The following LRP1B variants were observed in gnomAD, a reference collection of about 807,000 sequenced individuals.
LRP1B encodes the protein LDL receptor related protein 1B.
In LRP1B, 217 loss-of-function variants were observed where a neutral mutation model predicts 556.6. The ratio of observed to expected loss-of-function variants is 0.39; its 90% CI spans 0.35 to 0.44. LRP1B has a LOEUF of 0.44. Ranked by LOEUF, LRP1B falls within the 20% of genes least tolerant of loss-of-function variation. LRP1B has a pLI of 1.00. For synonymous variants in LRP1B, 2,047 were observed against 1,865.8 expected (o/e 1.10, Z -2.50); for missense variants, 5,053 against 5,620.8 (o/e 0.90, Z 3.23).
chr2:140,322,118 T>A (rs2105053900), intron 81 of LRP1B, 30 bp from the exon 82 acceptor site: 1 of 1,599,996 alleles, frequency 6.3e-7, no homozygotes, highest in Non-Finnish European at 8.5e-7. Flanking sequence ...CAAAGAAGTG[T>A]GTAAATATAG....
chr2:141,929,236 A>G (rs1700419652), intron 1 of LRP1B, among the ~76,000 whole-genome samples: 1 of 152,136 alleles, frequency 6.6e-6, no homozygotes. Flanking sequence ...GCCAAAAGCT[A>G]TACAAACCTC....
chr2:141,249,858 T>C (rs1057267736), intron 4 of LRP1B, among the ~76,000 whole-genome samples: 6 of 151,772 alleles, frequency 4.0e-5, no homozygotes, highest in African/African-American at 1.2e-4. Context: ...TAGTCACAAA[T>C]GGAAGACTGA....
chr2:140,716,190 C>T (rs1467649694), intron 36 of LRP1B, 88 bp from the exon 37 acceptor site: 1 of 942,584 alleles, frequency 1.1e-6, no homozygotes, highest in African/African-American at 1.6e-5. Flanking sequence ...TGAGCATTCA[C>T]ATAACTATCA....
At position 141,517,029 on chromosome 2, in the gene LRP1B, A is replaced by AAAC. The variant is rs1553526098; in HGVS notation, c.206-36497_206-36496insGTT. ...TAAAAAAAAAAAAAAAAAAAAAAAAAAAAGTAAATCAATGAAATAATTTAA... is the reference window on the plus strand; with the variant it reads ...TAAAAAAAAAAAAAAAAAAAAAAAAAAACAAAGTAAATCAATGAAATAATTTAA... On this transcript the variant is annotated intron_variant, in intron 2 of 90. Coordinates refer to ENST00000389484, the MANE Select transcript of LRP1B (RefSeq NM_018557.3). 6.8e-3 allele frequency among the ~76,000 whole-genome samples: 614 copies of AAAC among 90,150 alleles called. 99 individuals carry two copies. Among genetic ancestry groups the AAAC allele is most frequent in the South Asian group, 0.018 (42 of 2,336 alleles). 59.1% of individuals were successfully genotyped at this position (90,150 alleles called of 152,430 possible).
intron 2 of LRP1B, among the ~76,000 whole-genome samples, chr2:141,614,323 A>C (rs1298544758): frequency 6.6e-6 from 1 of 152,118 alleles, no homozygotes; most frequent in Non-Finnish European, 1.5e-5. Flanking sequence ...CCTCAGTCTA[A>C]TGTGGAGGGG....
At chr2:140,574,516 C>CA (rs1335545486) in intron 43 of LRP1B, among the ~76,000 whole-genome samples, 1 of 152,100 alleles carries the variant, frequency 6.6e-6, no homozygotes, top group Non-Finnish European at 1.5e-5. Flanking sequence ...ATTATGAATA[C>CA]ATTCTGTGTA....
intron 1 of LRP1B, among the ~76,000 whole-genome samples, chr2:141,910,221 G>C (rs751377311): frequency 6.7e-6 from 1 of 149,560 alleles, no homozygotes; most frequent in Non-Finnish European, 1.5e-5. Flanking sequence ...ACCAAATTTT[G>C]CTTGGGTTGC....
At chr2:141,350,286 A>C (rs1559022696) in intron 3 of LRP1B, among the ~76,000 whole-genome samples, 1 of 152,082 alleles carries the variant, frequency 6.6e-6, no homozygotes, top group African/African-American at 2.4e-5. Context: ...CAAATGTACA[A>C]GTAGCAAAGG....
At chr2:141,571,964 C>G (rs1686546467) in intron 2 of LRP1B, among the ~76,000 whole-genome samples, 1 of 151,978 alleles carries the variant, frequency 6.6e-6, no homozygotes, top group South Asian at 2.1e-4. Flanking sequence ...ATTTGAGTAC[C>G]AGAAGGAGAT....
Position 141,660,903 on chromosome 2 carries a change from C to T in LRP1B, c.205+149376G>A, listed in dbSNP as rs142100139. Reference sequence around the variant, plus strand: ...ACCCCCAATCACCAGACACCTTGTACAGGAGTGTTCCCATCGGCATCAGGT... The same window carrying T: ...ACCCCCAATCACCAGACACCTTGTATAGGAGTGTTCCCATCGGCATCAGGT... On this transcript the variant is annotated intron_variant, in intron 2 of 90. Coordinates refer to ENST00000389484, the MANE Select transcript of LRP1B (RefSeq NM_018557.3). 4.0e-3 allele frequency among the ~76,000 whole-genome samples: 615 copies of T among 152,244 alleles called. 4 individuals are homozygous for T. The highest frequency in any genetic ancestry group is 0.013 in the African/African-American group (551 of 41,540).
At chr2:141,996,721 C>A (rs547974861) in intron 1 of LRP1B, among the ~76,000 whole-genome samples, 10 of 149,816 alleles carry the variant, frequency 6.7e-5, no homozygotes, top group African/African-American at 1.7e-4. Flanking sequence ...TTTCCCCCCC[C>A]CTACAAACTA....
rs551298819 is a variant in LRP1B at position 141,569,116 on chromosome 2, T to C, written c.206-88583A>G. On this transcript the variant is annotated intron_variant, in intron 2 of 90. Transcript: ENST00000389484. ...GTATGTAAGGCACTATGCTATCTAA[T>C]TGGAGAAAGGAAAGTAAATCAGATA... 4.5e-4 allele frequency among the ~76,000 whole-genome samples: 68 copies of C among 151,104 alleles called. 2 individuals are homozygous for C. The highest frequency in any genetic ancestry group is 1.6e-3 in the African/African-American group (68 of 41,440).
chr2:140,745,309 G>C (rs921917442), intron 35 of LRP1B, among the ~76,000 whole-genome samples: 1 of 152,054 alleles, frequency 6.6e-6, no homozygotes, highest in Non-Finnish European at 1.5e-5. Flanking sequence ...TAAATTTAAA[G>C]TCAATATATA....
intron 14 of LRP1B, 102 bp from the exon 15 acceptor site, chr2:141,005,559 A>G: frequency 1.1e-6 from 1 of 939,248 alleles, no homozygotes; most frequent in East Asian, 2.9e-5. Context: ...TGCTATGTAT[A>G]TTATATATTT....
At chr2:141,268,621 A>G (rs751116998) in intron 3 of LRP1B, among the ~76,000 whole-genome samples, 41 of 152,180 alleles carry the variant, frequency 2.7e-4, no homozygotes, top group Non-Finnish European at 8.8e-5. Flanking sequence ...CAGGTACTTA[A>G]CACCCCTGAG....
At chr2:141,750,397 G>A (rs1694066081) in intron 2 of LRP1B, among the ~76,000 whole-genome samples, 1 of 152,114 alleles carries the variant, frequency 6.6e-6, no homozygotes, top group Non-Finnish European at 1.5e-5. Context: ...TCTGACTGAA[G>A]CTGGATATTA....
intron 7 of LRP1B, among the ~76,000 whole-genome samples, chr2:141,122,990 AT>A (rs1454957967): frequency 3.3e-5 from 5 of 152,082 alleles, no homozygotes; most frequent in Non-Finnish European, 5.9e-5. Context: ...TCAGTAAACT[AT>A]TGCAAGGACA....
chr2:142,129,979 T>C (rs1283275838), intron 1 of LRP1B, among the ~76,000 whole-genome samples: 1 of 152,118 alleles, frequency 6.6e-6, no homozygotes, highest in African/African-American at 2.4e-5. Context: ...AGCGCCAGAC[T>C]GGAGAGAGGC....
intron 17 of LRP1B, among the ~76,000 whole-genome samples, chr2:140,983,080 T>C (rs1002722416): frequency 6.9e-6 from 1 of 144,332 alleles, no homozygotes; most frequent in Non-Finnish European, 1.5e-5. Flanking sequence ...TCAGGGCAAC[T>C]TTTAAAAAGC....
Sources: allele counts gnomAD v4.1 joint callset (sites outside exome capture counted in the v4.1 genomes callset), GRCh38; gene constraint gnomAD v4.1.1; transcripts MANE v1.5; gene names NCBI Gene and HGNC (gene_info 2026-07-23, HGNC 2026-07-21).